The following R3HDM2 variants were observed in gnomAD, a reference collection of about 807,000 sequenced individuals.
R3HDM2 encodes the protein R3H domain-containing protein 2.
In R3HDM2, 38 loss-of-function variants were observed where a neutral mutation model predicts 124.5. The ratio of observed to expected loss-of-function variants is 0.31; its 90% confidence interval spans 0.24 to 0.40. The LOEUF is 0.40. Ranked by LOEUF, R3HDM2 falls within the 10% of genes least tolerant of loss-of-function variation. R3HDM2 has a pLI of 1.00. For synonymous variants in R3HDM2, 391 were observed against 448.0 expected (o/e 0.87, Z 1.61); for missense variants, 869 against 1,236.9 (o/e 0.70, Z 4.46).
chr12:57,319,942 A>G (rs558407071), intron 2 of R3HDM2, among the ~76,000 whole-genome samples: 5 of 152,096 alleles, frequency 3.3e-5, no homozygotes, highest in Non-Finnish European at 7.4e-5. Context: ...TTTCTGGGCC[A>G]AAACAAAAGC....
At chr12:57,274,292 G>C (rs1490044398) in intron 14 of R3HDM2, among the ~76,000 whole-genome samples, 1 of 152,038 alleles carries the variant, frequency 6.6e-6, no homozygotes, top group Non-Finnish European at 1.5e-5. Context: ...TGCCCAACAC[G>C]GTGAAACCCC....
At chr12:57,317,124 TG>T (rs1329689801) in intron 2 of R3HDM2, among the ~76,000 whole-genome samples, 4 of 151,888 alleles carry the variant, frequency 2.6e-5, no homozygotes, top group Admixed American at 2.6e-4. Context: ...TCAGGTGATC[TG>T]CCCACCTCAG....
At chr12:57,303,305 T>G (rs1364071825) in intron 3 of R3HDM2, 88 bp from the exon 4 acceptor site, 2 of 1,243,640 alleles carry the variant, frequency 1.6e-6, no homozygotes, top group Non-Finnish European at 2.3e-6. Context: ...GAAAAAGCAC[T>G]AACTGTAAAA....
At chr12:57,374,502 T>C (rs533987237) in intron 2 of R3HDM2, among the ~76,000 whole-genome samples, 5 of 148,524 alleles carry the variant, frequency 3.4e-5, no homozygotes, top group South Asian at 2.1e-4. Context: ...GCCAACATGG[T>C]AAAACCCTGT....
chr12:57,357,382 A>G (rs2061418092), intron 2 of R3HDM2, among the ~76,000 whole-genome samples: 2 of 151,616 alleles, frequency 1.3e-5, no homozygotes, highest in Non-Finnish European at 2.9e-5. Context: ...GAATCGCTTG[A>G]ACCTAGGAGG....
chr12:57,268,359 T>C lies in R3HDM2; in HGVS notation c.1974A>G (p.Ala658=). Residue 658 remains alanine, a synonymous_variant, in exon 18 of 24, where the codon GCA becomes GCG. Coordinates refer to ENST00000402412, the MANE Select transcript of R3HDM2 (RefSeq NM_001394031.1). The stretch of plus-strand genomic sequence containing the variant: ...TGCTATAGTACACTGGTACCCCCGC[T>C]GCTGGGAGGCCTCCTTGCACAGACT... ...VSQSVQGGLP[A]AGVPVYYSMI... The C allele has an allele frequency of 1.2e-6, 2 of 1,614,148 alleles. No homozygotes were observed. The highest frequency in any genetic ancestry group is 4.5e-5 in the East Asian group (2 of 44,882).
At chr12:57,303,851 A>G (rs1017353941) in intron 3 of R3HDM2, among the ~76,000 whole-genome samples, 1 of 152,222 alleles carries the variant, frequency 6.6e-6, no homozygotes, top group Admixed American at 6.6e-5. Context: ...TTGTTGGCCT[A>G]TTTCACAGAC....
rs1168272278 is a variant in R3HDM2 at position 57,269,309 on chromosome 12, G to C, written c.1714+14C>G. 6.2e-7 allele frequency: 1 copy of C among 1,613,012 alleles called. No homozygotes were observed. Among genetic ancestry groups the C allele is most frequent in the South Asian group, 1.1e-5 (1 of 90,960 alleles). ...CCTTATTCACTGCCTTCTTAAACCA[G>C]TGGTTTCTCTTACCAGGCTGCTGGG... On this transcript the variant is annotated intron_variant, in intron 16 of 23. Transcript: ENST00000402412.
At chr12:57,377,078 C>CTAAATAAATAAATAAATAAATAAA (rs142655309) in intron 2 of R3HDM2, among the ~76,000 whole-genome samples, 1,405 of 127,998 alleles carry the variant, frequency 0.011, 24 homozygotes, top group Middle Eastern at 0.037. Flanking sequence ...TGGGTCCACG[C>CTAAATAAATAAATAAATAAATAAA]TAAATAAATA....
intron 12 of R3HDM2, among the ~76,000 whole-genome samples, chr12:57,287,496 G>T (rs573387555): frequency 6.6e-6 from 1 of 152,264 alleles, no homozygotes; most frequent in South Asian, 2.1e-4. Context: ...AAAAAGACTT[G>T]AGAGAGATGG....
chr12:57,334,425 C>T (rs888189025), intron 2 of R3HDM2, among the ~76,000 whole-genome samples: 7 of 151,672 alleles, frequency 4.6e-5, no homozygotes, highest in Non-Finnish European at 1.5e-5. Flanking sequence ...TGATCCAAGA[C>T]TCCATGGCAA....
intron 2 of R3HDM2, among the ~76,000 whole-genome samples, chr12:57,336,284 C>A (rs2136796031): frequency 6.6e-6 from 1 of 152,236 alleles, no homozygotes; most frequent in South Asian, 2.1e-4. Flanking sequence ...TTCAACCCAG[C>A]AATCCCATTA....
chr12:57,257,555 A>C (rs1325451565), intron 21 of R3HDM2, among the ~76,000 whole-genome samples: 3 of 152,176 alleles, frequency 2.0e-5, no homozygotes, highest in East Asian at 1.9e-4. Context: ...TCTGAGTTTA[A>C]GTAACTTGTT....
chr12:57,307,004 G>T (rs1023646553), intron 3 of R3HDM2, among the ~76,000 whole-genome samples: 3 of 152,048 alleles, frequency 2.0e-5, no homozygotes, highest in Admixed American at 1.3e-4. Context: ...GACAGAGCGA[G>T]ACTCCATTTC....
intron 1 of R3HDM2, among the ~76,000 whole-genome samples, chr12:57,428,417 G>A (rs1274543744): frequency 6.6e-6 from 1 of 151,194 alleles, no homozygotes; most frequent in East Asian, 1.9e-4. Context: ...AGATCACGAG[G>A]TCAGGAGATC....
At chr12:57,411,244 C>A (rs1361466895) in intron 1 of R3HDM2, among the ~76,000 whole-genome samples, 1 of 152,160 alleles carries the variant, frequency 6.6e-6, no homozygotes, top group Non-Finnish European at 1.5e-5. Context: ...CTCTGTTGCC[C>A]AGGCTAGATG....
In R3HDM2 at chr12:57,299,973, C is replaced by T. The variant is rs553812222; in HGVS notation, c.294+122G>A. On this transcript the variant is annotated intron_variant, in intron 5 of 23. Transcript: ENST00000402412. ...ACCATGCCCTGTTTTACTACAACAG[C>T]TTTTGTTCTGAAGTACCTTCTACCC... 10 of 781,044 alleles carry T rather than the reference C, an allele frequency of 1.3e-5. No individual in the cohort carries two copies. The South Asian group carries it at 1.5e-4, about 12-fold the overall frequency. 48.4% of individuals were successfully genotyped at this position (781,044 alleles called of 1,614,324 possible).
At chr12:57,402,875 G>A (rs1231982783) in intron 1 of R3HDM2, among the ~76,000 whole-genome samples, 1 of 152,106 alleles carries the variant, frequency 6.6e-6, no homozygotes, top group Non-Finnish European at 1.5e-5. Flanking sequence ...GGAAATTCTT[G>A]ATGTATAATA....
chr12:57,355,247 G>T (rs1273380989), intron 2 of R3HDM2, among the ~76,000 whole-genome samples: 2 of 151,484 alleles, frequency 1.3e-5, no homozygotes, highest in African/African-American at 4.8e-5. Context: ...CACGAGGTCA[G>T]GAGATCGAGA....
Sources: allele counts gnomAD v4.1 joint callset (sites outside exome capture counted in the v4.1 genomes callset), GRCh38; gene constraint gnomAD v4.1.1; transcripts MANE v1.5; gene names NCBI Gene and HGNC (gene_info 2026-07-23, HGNC 2026-07-21).